TASP1: variants seen among roughly 807,000 people sequenced by gnomAD.
The protein encoded by TASP1 is taspase 1.
Under a neutral mutation model 56.6 loss-of-function variants are expected in TASP1, and 16 were observed. The observed-to-expected ratio is 0.28, with a 90% CI of 0.19 to 0.43. The LOEUF (loss-of-function observed/expected upper bound fraction) is 0.43, where lower values mean the gene tolerates loss of function less well. Among genes scored for constraint, TASP1 ranks in the 20% least tolerant of loss-of-function variants. TASP1 has a pLI of 1.00. For missense variants in TASP1, 393 were observed against 511.6 expected (o/e 0.77, Z 2.24); for synonymous variants, 179 against 184.2 (o/e 0.97, Z 0.23).
the TASP1 span, among the ~76,000 whole-genome samples, chr20:13,209,884 A>G: frequency 3.0e-4 from 46 of 152,330 alleles, no homozygotes; most frequent in African/African-American, 1.1e-3. Flanking sequence ...GTTTACATAG[A>G]GTGCACAAGT....
At chr20:13,273,703 G>A in the TASP1 span, among the ~76,000 whole-genome samples, 2 of 152,176 alleles carry the variant, frequency 1.3e-5, no homozygotes, top group Non-Finnish European at 2.9e-5. Flanking sequence ...AATGTTATTG[G>A]CCAAATGGAT....
chr20:13,286,210 G>T, the TASP1 span, among the ~76,000 whole-genome samples: 1 of 152,140 alleles, frequency 6.6e-6, no homozygotes, highest in Non-Finnish European at 1.5e-5. Context: ...ATGTGCGTAT[G>T]ACCCGCTGCA....
At chr20:13,354,522 C>G in the TASP1 span, among the ~76,000 whole-genome samples, 1 of 152,170 alleles carries the variant, frequency 6.6e-6, no homozygotes, top group African/African-American at 2.4e-5. Flanking sequence ...AATCTACAAA[C>G]AGACAAATTA....
the TASP1 span, chr20:13,165,947 A>G: frequency 6.6e-6 from 1 of 152,252 alleles, no homozygotes; most frequent in East Asian, 1.9e-4. Flanking sequence ...AACTAACTGT[A>G]ATTTACTTGT....
chr20:13,325,218 G>A, the TASP1 span, among the ~76,000 whole-genome samples: 1 of 152,124 alleles, frequency 6.6e-6, no homozygotes, highest in Non-Finnish European at 1.5e-5. Flanking sequence ...AAACGCATGT[G>A]GTATCACAAC....
chr20:13,437,325 C>A (rs2043039361), intron 11 of TASP1, among the ~76,000 whole-genome samples: 1 of 152,180 alleles, frequency 6.6e-6, no homozygotes, highest in Admixed American at 6.5e-5. Flanking sequence ...ATGCTAAAAA[C>A]TCTCAATAAA....
chr20:13,253,345 G>A, the TASP1 span, among the ~76,000 whole-genome samples: 3 of 152,074 alleles, frequency 2.0e-5, no homozygotes, highest in African/African-American at 7.3e-5. Flanking sequence ...TGAGGAGTGG[G>A]TGACCACTCA....
chr20:13,566,366 A>G (rs1203504046), intron 7 of TASP1, among the ~76,000 whole-genome samples: 1 of 152,186 alleles, frequency 6.6e-6, no homozygotes, highest in Non-Finnish European at 1.5e-5. Flanking sequence ...AGAACTACAA[A>G]AAAAGTACAA....
At chr20:13,601,112 A>G (rs1473068044) in intron 4 of TASP1, among the ~76,000 whole-genome samples, 1 of 151,880 alleles carries the variant, frequency 6.6e-6, no homozygotes, top group African/African-American at 2.4e-5. Flanking sequence ...TCCATCTCTA[A>G]AAAATAAAAT....
At chr20:13,210,401 T>C in the TASP1 span, among the ~76,000 whole-genome samples, 5 of 152,222 alleles carry the variant, frequency 3.3e-5, no homozygotes, top group Admixed American at 1.3e-4. Context: ...TTTTGTATAA[T>C]GCAAATGTCC....
chr20:13,367,414 T>C, the TASP1 span, among the ~76,000 whole-genome samples: 2 of 152,216 alleles, frequency 1.3e-5, no homozygotes, highest in African/African-American at 4.8e-5. Flanking sequence ...ATCATTAAGA[T>C]TAGAAATGTC....
At chr20:13,296,475 C>T in the TASP1 span, among the ~76,000 whole-genome samples, 2 of 152,144 alleles carry the variant, frequency 1.3e-5, no homozygotes, top group Non-Finnish European at 2.9e-5. Context: ...ATGGGATGAA[C>T]GCTGTGACCA....
the TASP1 span, among the ~76,000 whole-genome samples, chr20:13,177,820 A>C: frequency 6.6e-6 from 1 of 152,196 alleles, no homozygotes; most frequent in Non-Finnish European, 1.5e-5. Context: ...AGAAGAAAAC[A>C]TAGCAGAAAT....
rs117312036 is a variant in TASP1, at chr20:13,397,776, T to C, written c.1171-7324A>G. On this transcript the variant is annotated intron_variant, in intron 13 of 13. Coordinates refer to ENST00000337743, the MANE Select transcript of TASP1 (RefSeq NM_017714.3). ...AAATCACTGGCTCTCTGGGTTTCAA[T>C]GTCTTTTTCGGTAAAAGTGAAAAAC... Among the ~76,000 whole-genome samples the C allele has an allele frequency of 4.5e-3, 684 of 152,332 alleles. 3 individuals carry two copies. Among genetic ancestry groups the C allele is most frequent in the East Asian group, 0.01 (53 of 5,186 alleles).
chr20:13,411,231 A>C (rs1329855558), intron 13 of TASP1, among the ~76,000 whole-genome samples: 3 of 152,174 alleles, frequency 2.0e-5, no homozygotes, highest in Non-Finnish European at 4.4e-5. Context: ...TTTGCAAGGT[A>C]TTCTGAAGTC....
chr20:13,351,674 G>A, the TASP1 span, among the ~76,000 whole-genome samples: 1 of 152,286 alleles, frequency 6.6e-6, no homozygotes, highest in African/African-American at 2.4e-5. Flanking sequence ...AATTTGGGGG[G>A]CTGTTGGAAC....
the TASP1 span, chr20:13,117,529 T>C: frequency 6.2e-7 from 1 of 1,600,268 alleles, no homozygotes; most frequent in East Asian, 2.2e-5. Context: ...ATCGTGCATC[T>C]GCCCCAGATC....
At chr20:13,439,494 C>T (rs970717623) in intron 11 of TASP1, among the ~76,000 whole-genome samples, 7 of 151,748 alleles carry the variant, frequency 4.6e-5, no homozygotes, top group African/African-American at 9.7e-5. Context: ...CATCACACAC[C>T]GGGGCCTGTT....
At chr20:13,595,439 TAA>T (rs1260125948) in intron 4 of TASP1, among the ~76,000 whole-genome samples, 1 of 152,132 alleles carries the variant, frequency 6.6e-6, no homozygotes, top group Admixed American at 6.6e-5. Flanking sequence ...GCAAATTGTA[TAA>T]AGAGTCAAGA....
Sources: allele counts gnomAD v4.1 joint callset (sites outside exome capture counted in the v4.1 genomes callset), GRCh38; gene constraint gnomAD v4.1.1; transcripts MANE v1.5; gene names NCBI Gene and HGNC (gene_info 2026-07-23, HGNC 2026-07-21).